Variants in PLEKHF2 observed in about 807,000 individuals in gnomAD.
PLEKHF2 encodes pleckstrin homology and FYVE domain containing 2.
Under a neutral mutation model 14.7 loss-of-function variants are expected in PLEKHF2, and 4 were observed. The observed-to-expected ratio is 0.27, with a 90% CI of 0.13 to 0.62. The LOEUF (loss-of-function observed/expected upper bound fraction) is 0.62, where lower values mean the gene tolerates loss of function less well. Ranked by LOEUF, PLEKHF2 falls within the 20% of genes least tolerant of loss-of-function variation. The probability of loss-of-function intolerance (pLI) is 0.85; values close to 1 mark genes in which losing one functional copy is unlikely to be tolerated. For synonymous variants in PLEKHF2, 90 were observed against 103.5 expected (o/e 0.87, Z 0.79); for missense variants, 201 against 307.7 (o/e 0.65, Z 2.60).
At position 95,155,396 on chromosome 8, in the gene PLEKHF2, G is replaced by T. The variant is rs1421080030; in HGVS notation, c.*602G>T. ...TGATAAAATGAGTGTTTATGAATGGGTGTAATTAGGAAATACTTCTCATCT... is the reference window on the plus strand; with the variant it reads ...TGATAAAATGAGTGTTTATGAATGGTTGTAATTAGGAAATACTTCTCATCT... On this transcript the variant is annotated 3_prime_UTR_variant, in exon 2 of 2. Transcript: ENST00000315367. 6.0e-6 allele frequency: 1 copy of T among 166,970 alleles called. No homozygotes were observed. The highest frequency in any genetic ancestry group is 1.5e-5 in the Non-Finnish European group (1 of 68,130). 10.3% of individuals were successfully genotyped at this position (166,970 alleles called of 1,614,324 possible).
intron 1 of PLEKHF2, among the ~76,000 whole-genome samples, chr8:95,145,245 G>C (rs1026295240): frequency 6.6e-6 from 1 of 151,994 alleles, no homozygotes; most frequent in Non-Finnish European, 1.5e-5. Flanking sequence ...ACATATGAAA[G>C]TTTTGTCTTA....
intron 1 of PLEKHF2, among the ~76,000 whole-genome samples, chr8:95,147,947 A>G (rs570451872): frequency 2.0e-5 from 3 of 152,154 alleles, no homozygotes; most frequent in African/African-American, 7.2e-5. Flanking sequence ...CTTAATAATG[A>G]TAGTGAATTT....
intron 1 of PLEKHF2, among the ~76,000 whole-genome samples, chr8:95,144,672 G>C (rs988485387): frequency 6.6e-6 from 1 of 152,066 alleles, no homozygotes; most frequent in South Asian, 2.1e-4. Context: ...TTCAAGACCA[G>C]CCTGGCCAAC....
chr8:95,134,772 A>G (rs901057064), intron 1 of PLEKHF2, among the ~76,000 whole-genome samples: 1 of 152,190 alleles, frequency 6.6e-6, no homozygotes, highest in Non-Finnish European at 1.5e-5. Flanking sequence ...ACAGACACCT[A>G]AGCCCTCCTC....
At chr8:95,152,472 TATACTA>T (rs1810573958) in intron 1 of PLEKHF2, among the ~76,000 whole-genome samples, 1 of 152,078 alleles carries the variant, frequency 6.6e-6, no homozygotes, top group Non-Finnish European at 1.5e-5. Flanking sequence ...AAGTGAAAAA[TATACTA>T]ATGTTTAATA....
Position 95,154,736 on chromosome 8 carries a change from T to G in PLEKHF2, c.692T>G (p.Leu231Trp). ...AGATCAGACTCTTACAGCCAGTCAT[T>G]GAAGTCTCCTTTAAATGATATGTCT... is the stretch of plus-strand genomic sequence containing the variant. ...PARSDSYSQS[L>W]KSPLNDMSDD... Residue 231 changes from leucine to tryptophan, a missense_variant, in exon 2 of 2, where the codon TTG becomes TGG. Leu to Trp is a moderately conservative substitution (Grantham distance 61, BLOSUM62 -2). Coordinates refer to ENST00000315367, the MANE Select transcript of PLEKHF2 (RefSeq NM_024613.4). This position sits in a 1 kb window ranked among gnomAD's most constrained non-coding sequence, Gnocchi z 5.6. 1 of 1,614,140 alleles carries G rather than the reference T, an allele frequency of 6.2e-7. No homozygotes were observed. Among genetic ancestry groups the G allele is most frequent in the East Asian group, 2.2e-5 (1 of 44,886 alleles).
In PLEKHF2 at chr8:95,156,226, T is replaced by C. The variant is rs1810617742; in HGVS notation, c.*1432T>C. The C allele has an allele frequency of 6.0e-6, 1 of 167,040 alleles. No individual in the cohort carries two copies. Among genetic ancestry groups the C allele is most frequent in the South Asian group, 2.1e-4 (1 of 4,836 alleles). 10.3% of individuals were successfully genotyped at this position (167,040 alleles called of 1,614,324 possible). ...GCAGTCTAAAGTTTGTTTTAAATTC[T>C]AAATTTAAAAAATCTTCAAATCTGA... is the stretch of plus-strand genomic sequence containing the variant. On this transcript the variant is annotated 3_prime_UTR_variant, in exon 2 of 2. Transcript: ENST00000315367.
intron 1 of PLEKHF2, among the ~76,000 whole-genome samples, chr8:95,147,625 G>A (rs1487188286): frequency 3.3e-5 from 5 of 151,584 alleles, no homozygotes; most frequent in Admixed American, 1.3e-4. Context: ...ATTTTCCTGC[G>A]AATTATTTAA....
chr8:95,140,022 T>A (rs1402583400), intron 1 of PLEKHF2, among the ~76,000 whole-genome samples: 1 of 152,200 alleles, frequency 6.6e-6, no homozygotes, highest in African/African-American at 2.4e-5. Context: ...TCTTCCAGCA[T>A]CAGCCAGCAT....
intron 1 of PLEKHF2, among the ~76,000 whole-genome samples, chr8:95,136,331 T>TACACACACACACAC (rs1490601825): frequency 9.3e-6 from 1 of 107,736 alleles, no homozygotes; most frequent in African/African-American, 4.0e-5. Flanking sequence ...TTTTATTATA[T>TACACACACACACAC]ATACACACAC....
At chr8:95,151,637 C>A (rs1409232937) in intron 1 of PLEKHF2, among the ~76,000 whole-genome samples, 2 of 151,816 alleles carry the variant, frequency 1.3e-5, no homozygotes, top group Non-Finnish European at 2.9e-5. Flanking sequence ...AGAATGTAAA[C>A]CCTGAAGAGC....
At chr8:95,144,093 G>A (rs1156280556) in intron 1 of PLEKHF2, among the ~76,000 whole-genome samples, 1 of 150,938 alleles carries the variant, frequency 6.6e-6, no homozygotes, top group Non-Finnish European at 1.5e-5. Flanking sequence ...TATTTTATGT[G>A]TGGCCTGAGA....
chr8:95,136,329 TATATAC>T (rs1554695734), intron 1 of PLEKHF2, among the ~76,000 whole-genome samples: 1,147 of 63,046 alleles, frequency 0.018, 14 homozygotes, highest in African/African-American at 0.08. Context: ...GTTTTTATTA[TATATAC>T]ACACACACAC....
chr8:95,140,303 A>C (rs1000956719), intron 1 of PLEKHF2, among the ~76,000 whole-genome samples: 5 of 152,046 alleles, frequency 3.3e-5, no homozygotes, highest in Non-Finnish European at 7.4e-5. Flanking sequence ...TCTGCCAATT[A>C]TTGTGGTTCA....
Position 95,154,960 on chromosome 8 carries a change from C to A in PLEKHF2, c.*166C>A. The A allele has an allele frequency of 2.7e-6, 2 of 729,920 alleles. No homozygotes were observed. Among genetic ancestry groups the A allele is most frequent in the Non-Finnish European group, 4.5e-6 (2 of 443,422 alleles). The allele number at this position is 729,920 out of a possible 1,614,324, so 45.2% of individuals were successfully genotyped here. On this transcript the variant is annotated 3_prime_UTR_variant, in exon 2 of 2. Coordinates refer to ENST00000315367, the MANE Select transcript of PLEKHF2 (RefSeq NM_024613.4). The surrounding 1 kb of genome is among the most constrained non-coding windows in gnomAD (Gnocchi z 5.6). Reference sequence around the variant, plus strand: ...ATTCCATAGAAAGTAGGTCCCCCTGCCTTCTCCCACTCCTCACACTCTTCT... The same window carrying A: ...ATTCCATAGAAAGTAGGTCCCCCTGACTTCTCCCACTCCTCACACTCTTCT...
At chr8:95,135,106 A>G (rs1274926306) in intron 1 of PLEKHF2, among the ~76,000 whole-genome samples, 1 of 152,216 alleles carries the variant, frequency 6.6e-6, no homozygotes, top group Non-Finnish European at 1.5e-5. Context: ...CACACGGGGA[A>G]TGAATGGTAT....
intron 1 of PLEKHF2, among the ~76,000 whole-genome samples, chr8:95,139,476 C>T (rs746865633): frequency 2.0e-5 from 3 of 152,148 alleles, no homozygotes; most frequent in Non-Finnish European, 2.9e-5. Context: ...CACTGCACTC[C>T]AGCCTGGGTG....
At chr8:95,152,732 T>G (rs1810576675) in intron 1 of PLEKHF2, among the ~76,000 whole-genome samples, 1 of 152,010 alleles carries the variant, frequency 6.6e-6, no homozygotes, top group South Asian at 2.1e-4. Context: ...GGACCCAAGA[T>G]TTGCAGGGAG....
At position 95,154,649 on chromosome 8, in the gene PLEKHF2, G is replaced by T. The variant is rs1484298238; in HGVS notation, c.605G>T (p.Arg202Leu). 1 of 1,614,132 alleles carries T rather than the reference G, an allele frequency of 6.2e-7. No individual in the cohort carries two copies. Residue 202 changes from arginine to leucine, a missense_variant, in exon 2 of 2, where the codon CGG (arginine) becomes CTG (leucine). Physicochemically the swap from Arg to Leu is moderately radical, Grantham distance 102 (BLOSUM62 -2). Transcript: ENST00000315367. The surrounding 1 kb of genome is among the most constrained non-coding windows in gnomAD (Gnocchi z 5.6). The part of the protein sequence containing the change: ...LLPSQSSKPV[R>L]ICDFCYDLLS... ...CCCAGCCAGTCCTCTAAGCCTGTGC[G>T]GATTTGTGACTTCTGCTATGACCTG... is the stretch of plus-strand genomic sequence containing the variant.
Sources: allele counts gnomAD v4.1 joint callset (sites outside exome capture counted in the v4.1 genomes callset), GRCh38; gene constraint gnomAD v4.1.1; non-coding constraint Gnocchi (gnomAD v3.1); transcripts MANE v1.5; gene names NCBI Gene and HGNC (gene_info 2026-07-23, HGNC 2026-07-21).